The following DDX4 variants were observed in gnomAD, a reference collection of about 807,000 sequenced individuals.
DDX4 encodes the protein probable ATP-dependent RNA helicase DDX4.
DDX4 carries 25 observed loss-of-function variants against 100.0 expected under a neutral mutation model. The ratio of observed to expected loss-of-function variants is 0.25; its 90% CI spans 0.18 to 0.35. The LOEUF (loss-of-function observed/expected upper bound fraction) is 0.35. Ranked by LOEUF, DDX4 falls within the 10% of genes least tolerant of loss-of-function variation. The pLI is 1.00. For missense variants in DDX4, 635 were observed against 882.4 expected (o/e 0.72, Z 3.55); for synonymous variants, 259 against 275.7 (o/e 0.94, Z 0.60).
chr5:55,786,408 A>G (rs1244173990), intron 13 of DDX4, 110 bp from the exon 14 acceptor site: 1 of 753,732 alleles, frequency 1.3e-6, no homozygotes, highest in Non-Finnish European at 2.1e-6. Context: ...TCACTTTAGT[A>G]TATAAAGTAG....
At chr5:55,749,540 G>T (rs1367220826) in intron 3 of DDX4, among the ~76,000 whole-genome samples, 1 of 152,140 alleles carries the variant, frequency 6.6e-6, no homozygotes, top group Non-Finnish European at 1.5e-5. Flanking sequence ...GGGCTCTACC[G>T]TCAAGTGATT....
At chr5:55,782,116 G>T (rs1047162227) in intron 10 of DDX4, 135 bp downstream of exon 10, 5 of 956,816 alleles carry the variant, frequency 5.2e-6, no homozygotes, top group Non-Finnish European at 7.8e-6. Flanking sequence ...TTTATACACT[G>T]TGAGGACCAT....
intron 4 of DDX4, among the ~76,000 whole-genome samples, chr5:55,761,876 C>T (rs1354108942): frequency 6.6e-6 from 1 of 152,122 alleles, no homozygotes; most frequent in Non-Finnish European, 1.5e-5. Context: ...TCCCAGTGTG[C>T]TGGGATTATA....
intron 6 of DDX4, among the ~76,000 whole-genome samples, chr5:55,765,395 TAA>T (rs57279452): frequency 5.9e-4 from 52 of 87,600 alleles, no homozygotes; most frequent in Non-Finnish European, 8.3e-4. Context: ...TTAGTTCCCC[TAA>T]AAAAAAAAAA....
At chr5:55,759,663 T>C (rs1017273854) in intron 3 of DDX4, among the ~76,000 whole-genome samples, 1 of 152,222 alleles carries the variant, frequency 6.6e-6, no homozygotes, top group African/African-American at 2.4e-5. Flanking sequence ...TGATCATTTA[T>C]TTGGTATTAC....
At chr5:55,814,046 C>A (rs759566494) in intron 19 of DDX4, among the ~76,000 whole-genome samples, 2 of 152,094 alleles carry the variant, frequency 1.3e-5, no homozygotes, top group Non-Finnish European at 1.5e-5. Flanking sequence ...GTGGAAATTT[C>A]TCAAGAGATC....
intron 10 of DDX4, among the ~76,000 whole-genome samples, chr5:55,783,674 GATGA>G (rs1279326444): frequency 1.7e-4 from 19 of 108,954 alleles, no homozygotes; most frequent in Middle Eastern, 4.0e-3. Context: ...TGGATGGATG[GATGA>G]ATGGATGGAT....
chr5:55,779,096 A>G (rs1392692478), intron 7 of DDX4, among the ~76,000 whole-genome samples: 1 of 152,192 alleles, frequency 6.6e-6, no homozygotes, highest in Non-Finnish European at 1.5e-5. Context: ...AAAGAAAAAC[A>G]TGGGCTGCAA....
At chr5:55,787,375 G>T (rs116712198) in intron 14 of DDX4, among the ~76,000 whole-genome samples, 1 of 152,176 alleles carries the variant, frequency 6.6e-6, no homozygotes, top group Non-Finnish European at 1.5e-5. Flanking sequence ...TCTGTTGCCA[G>T]ATGTAACTTC....
chr5:55,753,179 T>C (rs1561482978), intron 3 of DDX4, among the ~76,000 whole-genome samples: 1 of 152,182 alleles, frequency 6.6e-6, no homozygotes, highest in Non-Finnish European at 1.5e-5. Flanking sequence ...GCAGAAGCTC[T>C]TTAGTTTAAT....
chr5:55,815,721 A>G (rs1305118013), intron 21 of DDX4, among the ~76,000 whole-genome samples: 1 of 151,536 alleles, frequency 6.6e-6, no homozygotes, highest in East Asian at 1.9e-4. Flanking sequence ...GACAACATTA[A>G]TTAATATAAA....
chr5:55,755,284 T>C (rs906955097), intron 3 of DDX4, among the ~76,000 whole-genome samples: 2 of 152,200 alleles, frequency 1.3e-5, no homozygotes, highest in African/African-American at 4.8e-5. Flanking sequence ...TTATGATGTT[T>C]GCATTAGGCT....
chr5:55,791,220 C>A (rs1742539513), intron 16 of DDX4, among the ~76,000 whole-genome samples: 1 of 152,096 alleles, frequency 6.6e-6, no homozygotes. Context: ...TTTAGGAATT[C>A]ATATACTATA....
chr5:55,786,552 A>T lies in DDX4; in HGVS notation c.899A>T (p.Asn300Ile), dbSNP rs745909713. The T allele has an allele frequency of 6.2e-6, 10 of 1,613,408 alleles. No homozygotes were observed. The highest frequency in any genetic ancestry group is 3.3e-4 in the Middle Eastern group (2 of 6,060). ...GAAGCTAATCTCTGTCAGACACTGA[A>T]TAACAACATTGCTAAAGCTGGTTAT... Reference protein sequence around the residue: ...FEEANLCQTLNNNIAKAGYTK... With the variant: ...FEEANLCQTLINNIAKAGYTK... Residue 300 changes from asparagine to isoleucine, a missense_variant, in exon 14 of 22, where the codon AAT becomes ATT. Physicochemically the swap from Asn to Ile is moderately radical, Grantham distance 149 (BLOSUM62 -3). Transcript: ENST00000505374.
At chr5:55,751,338 A>G (rs776850680) in intron 3 of DDX4, among the ~76,000 whole-genome samples, 16 of 152,210 alleles carry the variant, frequency 1.1e-4, no homozygotes, top group African/African-American at 1.4e-4. Context: ...GGCTCAAGCA[A>G]TCCTCCTGCC....
At chr5:55,797,234 A>G (rs1247873636) in intron 17 of DDX4, among the ~76,000 whole-genome samples, 2 of 152,196 alleles carry the variant, frequency 1.3e-5, no homozygotes, top group East Asian at 1.9e-4. Context: ...CACTTTGCAC[A>G]TTTCTTGGAA....
chr5:55,741,167 G>A (rs75984848), intron 2 of DDX4, among the ~76,000 whole-genome samples: 10,428 of 152,174 alleles, frequency 0.069, 553 homozygotes, highest in African/African-American at 0.15. Context: ...GCAGCACACT[G>A]CACTATAGCG....
rs1366462737 is a variant in DDX4, at chr5:55,815,566, A to C, written c.2097+143A>C. Reference sequence around the variant, plus strand: ...AGGTAGCTACTTTATTATTTCATTAACATTTTATGTATATACATATTTTTG... The same window carrying C: ...AGGTAGCTACTTTATTATTTCATTACCATTTTATGTATATACATATTTTTG... On this transcript the variant is annotated intron_variant, in intron 21 of 21. Transcript: ENST00000505374. 3.3e-6 allele frequency: 4 copies of C among 1,212,444 alleles called. No individual in the cohort carries two copies. The African/African-American group carries it at 4.7e-5, about 14-fold the overall frequency. 75.1% of individuals were successfully genotyped at this position (1,212,444 alleles called of 1,614,324 possible). A position where few individuals can be genotyped will look rare whatever the true frequency, so the allele number is the denominator to read the frequency against.
chr5:55,754,848 A>G (rs1439345466), intron 3 of DDX4, among the ~76,000 whole-genome samples: 1 of 152,078 alleles, frequency 6.6e-6, no homozygotes. Context: ...CCACAATTTC[A>G]GATACTGTTA....
Sources: allele counts gnomAD v4.1 joint callset (sites outside exome capture counted in the v4.1 genomes callset), GRCh38; gene constraint gnomAD v4.1.1; transcripts MANE v1.5; gene names NCBI Gene and HGNC (gene_info 2026-07-23, HGNC 2026-07-21).